The following SGK3 variants were observed in gnomAD, a reference collection of about 807,000 sequenced individuals.
SGK3 encodes serum/glucocorticoid regulated kinase family member 3.
SGK3 carries 47 observed loss-of-function variants against 68.5 expected under a neutral mutation model. The ratio of observed to expected loss-of-function variants is 0.69; its 90% CI spans 0.54 to 0.87. The LOEUF (loss-of-function observed/expected upper bound fraction) is 0.87, where lower values mean the gene tolerates loss of function less well. Ranked by LOEUF, SGK3 falls within the 40% of genes least tolerant of loss-of-function variation. The pLI is 0.00. For synonymous variants in SGK3, 181 were observed against 189.1 expected, an observed-to-expected ratio of 0.96 and a Z score of 0.35; for missense variants, 479 against 575.5, an observed-to-expected ratio of 0.83 and a Z score of 1.72.
chr8:66,840,132 T>C lies in SGK3; in HGVS notation c.854+17T>C, dbSNP rs761279250. 24 of 1,607,090 alleles carry C rather than the reference T, an allele frequency of 1.5e-5. No individual in the cohort carries two copies. Among genetic ancestry groups the C allele is most frequent in the South Asian group, 3.4e-5 (3 of 89,038 alleles). On this transcript the variant is annotated intron_variant, in intron 11 of 16. Coordinates refer to ENST00000521198, the MANE Select transcript of SGK3 (RefSeq NM_001033578.3). The stretch of plus-strand genomic sequence containing the variant: ...AGTATACAGGTACAATTTTAAAATA[T>C]ACTTGTAAAAATTGTATATAACAAT...
Position 66,861,361 on chromosome 8 carries a change from A to C in SGK3, c.*1780A>C, listed in dbSNP as rs374610445. On this transcript the variant is annotated 3_prime_UTR_variant, in exon 17 of 17. Transcript: ENST00000521198. Reference sequence around the variant, plus strand: ...TGGCTCATGCCTATAAAATTCCAGCACTTTGGGAGGCCAAGGCAGGAGGAT... The same window carrying C: ...TGGCTCATGCCTATAAAATTCCAGCCCTTTGGGAGGCCAAGGCAGGAGGAT... 1.3e-5 allele frequency: 2 copies of C among 152,174 alleles called. No homozygotes were observed. Among genetic ancestry groups the C allele is most frequent in the South Asian group, 2.1e-4 (1 of 4,834 alleles). The allele number at this position is 152,174 out of a possible 1,614,324, so 9.4% of individuals were successfully genotyped here. A position where few individuals can be genotyped will look rare whatever the true frequency, so the allele number is the denominator to read the frequency against.
At chr8:66,811,652 A>G (rs1332156275) in intron 4 of SGK3, among the ~76,000 whole-genome samples, 2 of 152,234 alleles carry the variant, frequency 1.3e-5, no homozygotes, top group Non-Finnish European at 2.9e-5. Flanking sequence ...TTAGAGCAGC[A>G]TGGGCTATAG....
chr8:66,775,047 T>A (rs1806638939), intron 1 of SGK3: 1 of 152,412 alleles, frequency 6.6e-6, no homozygotes, highest in Admixed American at 6.5e-5. Flanking sequence ...TTTACTTAAT[T>A]AAGGCCCTGG....
chr8:66,794,468 C>G (rs778531164), intron 2 of SGK3, among the ~76,000 whole-genome samples: 32 of 151,244 alleles, frequency 2.1e-4, no homozygotes, highest in Non-Finnish European at 3.8e-4. Flanking sequence ...GTCTTGTGCC[C>G]TCCTCCCCCT....
At chr8:66,785,723 A>G (rs1239900921) in intron 1 of SGK3, among the ~76,000 whole-genome samples, 1 of 152,196 alleles carries the variant, frequency 6.6e-6, no homozygotes, top group Non-Finnish European at 1.5e-5. Flanking sequence ...GCTGGCCTTG[A>G]AAAGTGTTGC....
chr8:66,747,130 C>T (rs1047184255), intron 1 of SGK3, among the ~76,000 whole-genome samples: 7 of 151,864 alleles, frequency 4.6e-5, no homozygotes, highest in Non-Finnish European at 7.4e-5. Flanking sequence ...GTTCATCTTT[C>T]ATGGCCAATT....
intron 1 of SGK3, among the ~76,000 whole-genome samples, chr8:66,723,129 A>ATTTTT (rs1289411840): frequency 3.9e-4 from 16 of 40,612 alleles, no homozygotes; most frequent in African/African-American, 4.6e-4. Context: ...ATATATATAT[A>ATTTTT]TATTTTTTTT....
intron 1 of SGK3, among the ~76,000 whole-genome samples, chr8:66,774,571 A>C (rs1160521465): frequency 6.6e-6 from 1 of 152,078 alleles, no homozygotes; most frequent in African/African-American, 2.4e-5. Flanking sequence ...ACGCAGACGC[A>C]AACCTTAGAG....
At chr8:66,793,539 C>A in intron 1 of SGK3, 77 bp from the exon 2 acceptor site, 1 of 459,684 alleles carries the variant, frequency 2.2e-6, no homozygotes, top group South Asian at 3.4e-5. Flanking sequence ...GAAAATTAGT[C>A]CCATGCTTAA....
At chr8:66,800,357 C>T (rs868304918) in intron 3 of SGK3, among the ~76,000 whole-genome samples, 1 of 114,154 alleles carries the variant, frequency 8.8e-6, no homozygotes, top group Non-Finnish European at 1.9e-5. Context: ...AAAAAAGTGG[C>T]GGGGGGGGAG....
intron 1 of SGK3, among the ~76,000 whole-genome samples, chr8:66,738,529 A>C (rs1805388610): frequency 6.6e-6 from 1 of 152,086 alleles, no homozygotes; most frequent in Non-Finnish European, 1.5e-5. Context: ...CAGCTCCAAC[A>C]ATGGTAGTTA....
At chr8:66,813,526 G>T (rs1808463716) in intron 4 of SGK3, among the ~76,000 whole-genome samples, 1 of 151,774 alleles carries the variant, frequency 6.6e-6, no homozygotes. Flanking sequence ...GTGAGGAGTT[G>T]GACAAAGCAA....
At chr8:66,839,383 A>T (rs1330618324) in intron 10 of SGK3, among the ~76,000 whole-genome samples, 1 of 147,652 alleles carries the variant, frequency 6.8e-6, no homozygotes, top group Non-Finnish European at 1.5e-5. Flanking sequence ...TATCTTTTTA[A>T]AAAAAAAAAC....
At chr8:66,808,952 C>G (rs1407530753) in intron 4 of SGK3, among the ~76,000 whole-genome samples, 1 of 152,098 alleles carries the variant, frequency 6.6e-6, no homozygotes, top group East Asian at 1.9e-4. Flanking sequence ...CCACCACAAC[C>G]TCCACCTCCC....
intron 16 of SGK3, among the ~76,000 whole-genome samples, chr8:66,852,277 C>CTTTT (rs1204346785): frequency 2.9e-4 from 31 of 107,198 alleles, no homozygotes; most frequent in East Asian, 3.2e-4. Flanking sequence ...TTAAGGAATC[C>CTTTT]TTTTTTTTTT....
intron 1 of SGK3, among the ~76,000 whole-genome samples, chr8:66,725,928 A>G (rs1025287889): frequency 1.7e-4 from 26 of 152,148 alleles, no homozygotes; most frequent in Admixed American, 1.7e-3. Context: ...TTACTGCAAC[A>G]TCAGTTTATC....
intron 16 of SGK3, 24 bp from the exon 17 acceptor site, chr8:66,859,387 A>G: frequency 6.4e-7 from 1 of 1,563,498 alleles, no homozygotes; most frequent in South Asian, 1.2e-5. Flanking sequence ...TAAGGTGAAT[A>G]ATACTGTGCT....
intron 1 of SGK3, among the ~76,000 whole-genome samples, chr8:66,715,147 AAG>A (rs1287070136): frequency 5.9e-5 from 9 of 152,236 alleles, no homozygotes; most frequent in Non-Finnish European, 1.2e-4. Flanking sequence ...GTTTTTGAAA[AAG>A]AAAATAGGTT....
At chr8:66,757,985 A>G (rs2130451172) in intron 1 of SGK3, among the ~76,000 whole-genome samples, 1 of 139,836 alleles carries the variant, frequency 7.2e-6, no homozygotes, top group Admixed American at 7.2e-5. Context: ...CACACACACT[A>G]TATGTATATA....
Sources: gnomAD v4.1 joint callset for allele counts (sites outside exome capture counted in the v4.1 genomes callset) on GRCh38, gnomAD v4.1.1 for gene constraint, MANE v1.5 for transcripts, NCBI Gene and HGNC (gene_info 2026-07-23, HGNC 2026-07-21) for gene names.